BCL9: variants seen among roughly 807,000 people sequenced by gnomAD.
BCL9 encodes the protein B-cell CLL/lymphoma 9 protein.
Under a neutral mutation model 88.5 loss-of-function variants are expected in BCL9, and 25 were observed. That is an observed-to-expected ratio of 0.28 (90% CI 0.21 to 0.39). The LOEUF (loss-of-function observed/expected upper bound fraction) is 0.39. Among genes scored for constraint, BCL9 ranks in the 10% least tolerant of loss-of-function variants. The pLI is 1.00. For synonymous variants in BCL9, 711 were observed against 673.3 expected (o/e 1.06, Z -0.87); for missense variants, 1,817 against 1,877.8 (o/e 0.97, Z 0.60).
intron 1 of BCL9, among the ~76,000 whole-genome samples, chr1:147,593,529 T>A (rs1335281497): frequency 6.6e-6 from 1 of 152,222 alleles, no homozygotes; most frequent in Admixed American, 6.5e-5. Flanking sequence ...CCACTTATTA[T>A]AAGTGATTAT....
chr1:147,597,286 C>G (rs1657096452), intron 1 of BCL9, among the ~76,000 whole-genome samples: 1 of 152,150 alleles, frequency 6.6e-6, no homozygotes, highest in African/African-American at 2.4e-5. Context: ...GGAGGCAAAC[C>G]TAACATAAAT....
At chr1:147,570,310 A>G (rs1655820437) in intron 1 of BCL9, among the ~76,000 whole-genome samples, 1 of 152,198 alleles carries the variant, frequency 6.6e-6, no homozygotes, top group Admixed American at 6.5e-5. Flanking sequence ...AAGGAGAAAG[A>G]TGGTGTCACA....
Position 147,611,866 on chromosome 1 carries a change from C to T in BCL9, c.30C>T (p.Ser10=), listed in dbSNP as rs1658020030. Residue 10 remains serine, a synonymous_variant, in exon 4 of 10, where the codon AGC becomes AGT. Transcript: ENST00000234739. MHSSNPKVR[S]SPSGNTQSSP... is the part of the protein sequence containing the mutation. Reference sequence around the variant, plus strand: ...ATTCCAGTAACCCTAAAGTGAGGAGCTCTCCATCAGGAAACACACAGAGGT... The same window carrying T: ...ATTCCAGTAACCCTAAAGTGAGGAGTTCTCCATCAGGAAACACACAGAGGT... 2 of 1,614,058 alleles carry T rather than the reference C, an allele frequency of 1.2e-6. No homozygotes were observed. The highest frequency in any genetic ancestry group is 1.7e-5 in the Admixed American group (1 of 60,006).
rs782366414 is a variant in BCL9 at position 147,620,526 on chromosome 1, C to T, written c.2371C>T (p.Pro791Ser). ...PRPFLPMSQG[P>S]GSNSGLRNLR... The stretch of plus-strand genomic sequence containing the variant: ...ACCATTCCTTCCCATGTCTCAGGGT[C>T]CAGGCAGCAACAGTGGCTTGCGGAA... The change falls in exon 8 of 10, where the codon CCA (proline) becomes TCA (serine). Residue 791 changes from proline (P) to serine (S), a missense_variant. Transcript: ENST00000234739. The T allele has an allele frequency of 6.2e-7, 1 of 1,614,172 alleles. No individual in the cohort carries two copies. Among genetic ancestry groups the T allele is most frequent in the South Asian group, 1.1e-5 (1 of 91,078 alleles).
intron 1 of BCL9, among the ~76,000 whole-genome samples, chr1:147,603,911 A>T (rs901811346): frequency 2.0e-5 from 3 of 152,366 alleles, no homozygotes; most frequent in South Asian, 4.1e-4. Flanking sequence ...ACAAAATAAA[A>T]TACATTGAAT....
chr1:147,566,549 G>A (rs1328778681), intron 1 of BCL9, among the ~76,000 whole-genome samples: 2 of 152,136 alleles, frequency 1.3e-5, no homozygotes, highest in African/African-American at 4.8e-5. Flanking sequence ...GAGGTCCGGA[G>A]ATCGAGACCA....
intron 1 of BCL9, among the ~76,000 whole-genome samples, chr1:147,588,989 T>C (rs115384170): frequency 0.011 from 1,714 of 152,314 alleles, 30 homozygotes; most frequent in African/African-American, 0.039. Flanking sequence ...TTGGGGCTTA[T>C]ACCTCTGCTC....
At chr1:147,603,236 T>G (rs1657491969) in intron 1 of BCL9, among the ~76,000 whole-genome samples, 1 of 152,218 alleles carries the variant, frequency 6.6e-6, no homozygotes, top group African/African-American at 2.4e-5. Flanking sequence ...ATATTAGTTT[T>G]GAAAGGTAAT....
intron 1 of BCL9, among the ~76,000 whole-genome samples, chr1:147,542,654 A>G (rs1654385397): frequency 6.7e-6 from 1 of 148,342 alleles, no homozygotes. Flanking sequence ...GCCTTGTTCC[A>G]CCTGTTGGCT....
In BCL9 at chr1:147,611,740, GCCAGTGCCACTGCCC is replaced by G. The variant is rs1658013212; in HGVS notation, c.-92_-78del. On this transcript the variant is annotated 5_prime_UTR_variant, in exon 4 of 10. Coordinates refer to ENST00000234739, the MANE Select transcript of BCL9 (RefSeq NM_004326.4). Reference sequence around the variant, plus strand: ...AAGGGACGCACCCAGCAAGCAGTGGGCCAGTGCCACTGCCCCCAGCAGCTGTTTCTGCTGCAACCC... The same window carrying G: ...AAGGGACGCACCCAGCAAGCAGTGGGCCAGCAGCTGTTTCTGCTGCAACCC... The G allele has an allele frequency of 5.8e-6, 7 of 1,204,022 alleles. No individual in the cohort carries two copies. Among genetic ancestry groups the G allele is most frequent in the Non-Finnish European group, 8.6e-6 (7 of 810,540 alleles). 74.6% of individuals were successfully genotyped at this position (1,204,022 alleles called of 1,614,324 possible).
At chr1:147,613,463 T>C (rs1281989667) in intron 5 of BCL9, among the ~76,000 whole-genome samples, 2 of 152,216 alleles carry the variant, frequency 1.3e-5, no homozygotes, top group Non-Finnish European at 2.9e-5. Flanking sequence ...TTCACAGGCC[T>C]ATCCCTGTTC....
At position 147,624,814 on chromosome 1, in the gene BCL9, G is replaced by C; in HGVS notation, c.4136G>C (p.Gly1379Ala). The change falls in exon 10 of 10, where the codon GGC (glycine) becomes GCC (alanine). Residue 1379 changes from glycine to alanine, a missense_variant. By Grantham distance (60) the Gly-to-Ala change is moderately conservative. Coordinates refer to ENST00000234739, the MANE Select transcript of BCL9 (RefSeq NM_004326.4). The surrounding 1 kb of genome is among the most constrained non-coding windows in gnomAD (Gnocchi z 4.4). The part of the protein sequence containing the change: ...YTHPGPVGSP[G>A]MMMSMQGMMG... ...CACCCTGGGCCTGTGGGCTCTCCAG[G>C]CATGATGATGTCCATGCAGGGCATG... is the stretch of plus-strand genomic sequence containing the variant. 6.2e-7 allele frequency: 1 copy of C among 1,614,122 alleles called. No individual in the cohort carries two copies. The highest frequency in any genetic ancestry group is 8.5e-7 in the Non-Finnish European group (1 of 1,180,016).
intron 1 of BCL9, among the ~76,000 whole-genome samples, chr1:147,583,466 CG>C (rs1214548386): frequency 1.3e-5 from 2 of 151,038 alleles, no homozygotes; most frequent in African/African-American, 4.9e-5. Flanking sequence ...TTAGTAGAGA[CG>C]GGGTTTCACC....
chr1:147,610,153 A>G (rs1553202441), intron 3 of BCL9, among the ~76,000 whole-genome samples: 1 of 138,138 alleles, frequency 7.2e-6, no homozygotes, highest in East Asian at 2.2e-4. Context: ...CTTGACAACC[A>G]GAATCCATTT....
At chr1:147,575,179 A>G (rs1553197932) in intron 1 of BCL9, among the ~76,000 whole-genome samples, 1 of 152,220 alleles carries the variant, frequency 6.6e-6, no homozygotes, top group African/African-American at 2.4e-5. Flanking sequence ...TGTTTTACAA[A>G]TAAGGACCTG....
At chr1:147,617,507 A>G (rs1313159486) in intron 7 of BCL9, among the ~76,000 whole-genome samples, 4 of 142,280 alleles carry the variant, frequency 2.8e-5, no homozygotes, top group African/African-American at 9.9e-5. Flanking sequence ...GTACAGAATC[A>G]TACAAGATTC....
At position 147,625,068 on chromosome 1, in the gene BCL9, C is replaced by G; in HGVS notation, c.*109C>G. Reference sequence around the variant, plus strand: ...TACTATTGGTCATGCAATAGGAGAACAGAGACCCGAGGGCTGCTTTGGGGG... The same window carrying G: ...TACTATTGGTCATGCAATAGGAGAAGAGAGACCCGAGGGCTGCTTTGGGGG... On this transcript the variant is annotated 3_prime_UTR_variant, in exon 10 of 10. Transcript: ENST00000234739. 1 of 1,383,352 alleles carries G rather than the reference C, an allele frequency of 7.2e-7. No individual in the cohort carries two copies. Among genetic ancestry groups the G allele is most frequent in the Non-Finnish European group, 9.7e-7 (1 of 1,035,226 alleles). The allele number at this position is 1,383,352 out of a possible 1,614,324, so 85.7% of individuals were successfully genotyped here.
At chr1:147,585,646 C>T (rs1656568002) in intron 1 of BCL9, among the ~76,000 whole-genome samples, 1 of 152,004 alleles carries the variant, frequency 6.6e-6, no homozygotes, top group Non-Finnish European at 1.5e-5. Flanking sequence ...AAAGTTAGTA[C>T]CGGTTAACTA....
At chr1:147,544,245 T>G (rs1232450241) in intron 1 of BCL9, among the ~76,000 whole-genome samples, 3 of 152,206 alleles carry the variant, frequency 2.0e-5, no homozygotes, top group African/African-American at 7.2e-5. Context: ...TGCATAGAGT[T>G]GCATAAGTTA....
Sources: gnomAD v4.1 joint callset for allele counts (sites outside exome capture counted in the v4.1 genomes callset) on GRCh38, gnomAD v4.1.1 for gene constraint, Gnocchi (gnomAD v3.1) non-coding constraint, MANE v1.5 for transcripts, NCBI Gene and HGNC (gene_info 2026-07-23, HGNC 2026-07-21) for gene names.